Variants in COL5A2 observed in about 807,000 individuals in gnomAD.
COL5A2 encodes collagen alpha-2(V) chain.
A neutral mutation model predicts 208.2 loss-of-function variants in COL5A2; 23 were observed. The observed-to-expected ratio is 0.11, with a 90% CI of 0.08 to 0.16. The LOEUF (loss-of-function observed/expected upper bound fraction) is 0.16. Ranked by LOEUF, COL5A2 falls within the 10% of genes least tolerant of loss-of-function variation. The pLI, the probability that COL5A2 is intolerant of heterozygous loss-of-function variation, is 1.00. For missense variants in COL5A2, 1,590 were observed against 1,956.4 expected (o/e 0.81, Z 3.53); for synonymous variants, 625 against 628.5 (o/e 0.99, Z 0.08).
At chr2:189,109,073 C>T (rs1023602191) in intron 2 of COL5A2, among the ~76,000 whole-genome samples, 1 of 151,272 alleles carries the variant, frequency 6.6e-6, no homozygotes, top group Non-Finnish European at 1.5e-5. Flanking sequence ...TAGCTGAACT[C>T]AACCACTTTT....
At chr2:189,394,920 CTTTAT>C in the COL5A2 span, among the ~76,000 whole-genome samples, 1 of 152,106 alleles carries the variant, frequency 6.6e-6, no homozygotes, top group Non-Finnish European at 1.5e-5. Context: ...GAATTACATA[CTTTAT>C]TTTAATCATT....
intron 1 of COL5A2, among the ~76,000 whole-genome samples, chr2:189,152,771 GAAGT>G (rs1284932774): frequency 6.6e-6 from 1 of 152,168 alleles, no homozygotes; most frequent in East Asian, 1.9e-4. Context: ...GAGCATTGTA[GAAGT>G]AAGTTGGGGG....
chr2:189,075,580 T>C (rs1192304561), intron 16 of COL5A2, 143 bp from the exon 17 acceptor site: 13 of 650,486 alleles, frequency 2.0e-5, no homozygotes, highest in South Asian at 3.5e-5. Context: ...ACTCAGTTAA[T>C]AGCAATATAA....
chr2:189,112,019 C>T (rs1687290897), intron 1 of COL5A2, among the ~76,000 whole-genome samples: 1 of 152,112 alleles, frequency 6.6e-6, no homozygotes, highest in Admixed American at 6.5e-5. Flanking sequence ...GCACCTGCCA[C>T]CATGCCCAGC....
At chr2:189,205,865 G>T (rs867056344) in intron 1 of COL5A2, among the ~76,000 whole-genome samples, 16 of 152,186 alleles carry the variant, frequency 1.1e-4, no homozygotes, top group Middle Eastern at 6.8e-3. Flanking sequence ...ACATTTATTA[G>T]AAAAATTGGT....
Position 189,045,338 on chromosome 2 carries a change from A to G in COL5A2, c.3310-106T>C, listed in dbSNP as rs927087126. ...CGTTTATAGTTGGATGCATATATATATATGTGTGTGTGTGTGTGTGTGTGT... is the reference window on the plus strand; with the variant it reads ...CGTTTATAGTTGGATGCATATATATGTATGTGTGTGTGTGTGTGTGTGTGT... On this transcript the variant is annotated intron_variant, in intron 46 of 53. Transcript: ENST00000374866. 32 of 706,992 alleles carry G rather than the reference A, an allele frequency of 4.5e-5. No individual in the cohort carries two copies. In the African/African-American group the frequency reaches 4.6e-4, roughly 10 times the overall value. The allele number at this position is 706,992 out of a possible 1,614,324, so 43.8% of individuals were successfully genotyped here.
intron 6 of COL5A2, among the ~76,000 whole-genome samples, chr2:189,093,580 T>C (rs950845229): frequency 6.6e-6 from 1 of 152,200 alleles, no homozygotes; most frequent in Non-Finnish European, 1.5e-5. Context: ...TAAACATTTA[T>C]ATAGACATAT....
At chr2:189,377,188 T>C in the COL5A2 span, among the ~76,000 whole-genome samples, 1 of 152,216 alleles carries the variant, frequency 6.6e-6, no homozygotes, top group Non-Finnish European at 1.5e-5. Flanking sequence ...GTATGGCTTG[T>C]CACATTCCCA....
chr2:189,135,795 A>G (rs897454725), intron 1 of COL5A2, among the ~76,000 whole-genome samples: 1 of 152,224 alleles, frequency 6.6e-6, no homozygotes, highest in African/African-American at 2.4e-5. Context: ...AATACTTAAT[A>G]TGTGCTATAT....
chr2:189,275,684 C>T, the COL5A2 span, among the ~76,000 whole-genome samples: 1 of 152,070 alleles, frequency 6.6e-6, no homozygotes, highest in Non-Finnish European at 1.5e-5. Context: ...AACTCCTGAC[C>T]TCGTGATCTG....
intron 6 of COL5A2, among the ~76,000 whole-genome samples, chr2:189,097,070 C>T (rs1686933734): frequency 6.6e-6 from 1 of 152,162 alleles, no homozygotes; most frequent in Non-Finnish European, 1.5e-5. Flanking sequence ...TCCTTAAGTT[C>T]TACTTTATTT....
At chr2:189,312,370 C>T in the COL5A2 span, among the ~76,000 whole-genome samples, 5 of 152,126 alleles carry the variant, frequency 3.3e-5, no homozygotes, top group African/African-American at 7.2e-5. Flanking sequence ...GATCCCACGC[C>T]GCCCCAGAAG....
intron 1 of COL5A2, among the ~76,000 whole-genome samples, chr2:189,135,211 T>TA (rs1175952603): frequency 6.6e-6 from 1 of 152,204 alleles, no homozygotes; most frequent in African/African-American, 2.4e-5. Context: ...AACCAAATTA[T>TA]AAAAACAGAA....
At chr2:189,429,779 C>T in the COL5A2 span, among the ~76,000 whole-genome samples, 2 of 152,150 alleles carry the variant, frequency 1.3e-5, no homozygotes, top group Non-Finnish European at 2.9e-5. Flanking sequence ...TTGACTGTAA[C>T]ATAGTTGACA....
At chr2:189,325,061 G>A in the COL5A2 span, among the ~76,000 whole-genome samples, 4 of 147,394 alleles carry the variant, frequency 2.7e-5, no homozygotes, top group Admixed American at 6.8e-5. Flanking sequence ...GCAAACTATC[G>A]CAAGGACAAA....
intron 1 of COL5A2, among the ~76,000 whole-genome samples, chr2:189,190,712 T>C (rs1055479563): frequency 6.6e-6 from 1 of 152,234 alleles, no homozygotes; most frequent in African/African-American, 2.4e-5. Flanking sequence ...ACTGTGCTCC[T>C]AATGCATGAG....
the COL5A2 span, among the ~76,000 whole-genome samples, chr2:189,233,692 A>T: frequency 6.6e-6 from 1 of 151,752 alleles, no homozygotes; most frequent in Non-Finnish European, 1.5e-5. Flanking sequence ...TCTCAACTTT[A>T]TGATGATGCA....
At chr2:189,366,039 T>C in the COL5A2 span, among the ~76,000 whole-genome samples, 1 of 152,210 alleles carries the variant, frequency 6.6e-6, no homozygotes, top group Non-Finnish European at 1.5e-5. Context: ...TCATGTCCTA[T>C]ATTATTTGCA....
chr2:189,038,145 T>C (rs1685480426), intron 51 of COL5A2, among the ~76,000 whole-genome samples: 1 of 152,100 alleles, frequency 6.6e-6, no homozygotes, highest in Non-Finnish European at 1.5e-5. Context: ...GTAGTGAGCA[T>C]AGTATCCAAT....
Sources: allele counts gnomAD v4.1 joint callset (sites outside exome capture counted in the v4.1 genomes callset), GRCh38; gene constraint gnomAD v4.1.1; transcripts MANE v1.5; gene names NCBI Gene and HGNC (gene_info 2026-07-23, HGNC 2026-07-21).